The following WAC variants were observed in gnomAD, a reference collection of about 807,000 sequenced individuals.
WAC encodes WW domain containing adaptor with coiled-coil, also known as WW domain-containing adapter protein with coiled-coil.
WAC carries 11 observed loss-of-function variants against 79.6 expected under a neutral mutation model. The observed-to-expected ratio is 0.14, with a 90% CI of 0.09 to 0.23. The LOEUF (loss-of-function observed/expected upper bound fraction) is 0.23, where lower values mean the gene tolerates loss of function less well. Ranked by LOEUF, WAC falls within the 10% of genes least tolerant of loss-of-function variation. WAC has a pLI of 1.00. For missense variants in WAC, 728 were observed against 773.5 expected, an observed-to-expected ratio of 0.94 and a Z score of 0.70; for synonymous variants, 304 against 276.9, an observed-to-expected ratio of 1.10 and a Z score of -0.97.
intron 3 of WAC, among the ~76,000 whole-genome samples, chr10:28,569,170 T>C (rs1838809809): frequency 1.3e-5 from 2 of 152,198 alleles, no homozygotes; most frequent in African/African-American, 4.8e-5. Context: ...TTTCTAAGTG[T>C]TTTTCTATAG....
At chr10:28,599,911 G>C (rs332161) in intron 7 of WAC, among the ~76,000 whole-genome samples, 127,200 of 152,126 alleles carry the variant, frequency 0.84, 53,302 homozygotes, top group East Asian at 0.94. Context: ...AGTAGAGAAA[G>C]TCTGATACAC....
intron 3 of WAC, among the ~76,000 whole-genome samples, chr10:28,538,581 CA>C (rs34777121): frequency 0.53 from 52,207 of 98,010 alleles, 11,473 homozygotes; most frequent in African/African-American, 0.64. Flanking sequence ...GACCCTGTCT[CA>C]AAAAAAAAAA....
At chr10:28,543,285 C>G (rs1837162871) in intron 3 of WAC, among the ~76,000 whole-genome samples, 1 of 151,984 alleles carries the variant, frequency 6.6e-6, no homozygotes, top group African/African-American at 2.4e-5. Flanking sequence ...TTTCTAGTAG[C>G]TTTGCTTAAA....
chr10:28,540,575 C>T (rs1387104187), intron 3 of WAC, among the ~76,000 whole-genome samples: 1 of 152,166 alleles, frequency 6.6e-6, no homozygotes, highest in African/African-American at 2.4e-5. Context: ...AGGAAAAGTC[C>T]ATTTTCTCTT....
intron 13 of WAC, 41 bp downstream of exon 13, chr10:28,617,825 T>C (rs1457987101): frequency 1.3e-6 from 2 of 1,538,444 alleles, no homozygotes; most frequent in Non-Finnish European, 8.7e-7. Flanking sequence ...TTTCTCAGGA[T>C]TATGATTCTT....
chr10:28,572,527 CT>C (rs1175410347), intron 3 of WAC, among the ~76,000 whole-genome samples: 3 of 151,972 alleles, frequency 2.0e-5, no homozygotes, highest in Non-Finnish European at 2.9e-5. Context: ...AAATCTTACT[CT>C]TGGCTGGGTG....
At chr10:28,534,987 A>G (rs1836555089) in intron 2 of WAC, among the ~76,000 whole-genome samples, 1 of 152,186 alleles carries the variant, frequency 6.6e-6, no homozygotes, top group South Asian at 2.1e-4. Flanking sequence ...TTAGTTAGAA[A>G]TAGTACTCAC....
chr10:28,618,175 T>C (rs1386419079), intron 13 of WAC: 1 of 158,534 alleles, frequency 6.3e-6, no homozygotes, highest in African/African-American at 2.4e-5. Flanking sequence ...CTAGCAAGTT[T>C]AGTGTATCTG....
chr10:28,538,030 C>CAT (rs1836775566), intron 3 of WAC, among the ~76,000 whole-genome samples: 1 of 152,100 alleles, frequency 6.6e-6, no homozygotes, highest in Non-Finnish European at 1.5e-5. Context: ...ACCTGGCTGC[C>CAT]ATATTCCTTT....
chr10:28,618,641 G>A (rs1841576613), intron 13 of WAC, among the ~76,000 whole-genome samples: 1 of 152,182 alleles, frequency 6.6e-6, no homozygotes, highest in Admixed American at 6.5e-5. Flanking sequence ...GCCTGATTAT[G>A]CCTAATTCAT....
intron 3 of WAC, among the ~76,000 whole-genome samples, chr10:28,575,552 G>T (rs757632917): frequency 6.6e-6 from 1 of 152,186 alleles, no homozygotes; most frequent in Non-Finnish European, 1.5e-5. Context: ...TTATTTCCCT[G>T]CAGGTTTGAT....
In WAC at chr10:28,604,839, G is replaced by A. The variant is rs570648643; in HGVS notation, c.920-3347G>A. The stretch of plus-strand genomic sequence containing the variant: ...GAGTAATACACTAGATTTGTGTAAG[G>A]GCACTCCAAACCAAAGGGGAGGGGC... On this transcript the variant is annotated intron_variant, in intron 7 of 13. Transcript: ENST00000354911. Among the ~76,000 whole-genome samples the A allele has an allele frequency of 2.0e-5, 3 of 152,202 alleles. No individual in the cohort carries two copies. In the South Asian group the frequency reaches 6.2e-4, roughly 32 times the overall value.
At chr10:28,574,849 G>GT (rs1296246619) in intron 3 of WAC, among the ~76,000 whole-genome samples, 2 of 152,136 alleles carry the variant, frequency 1.3e-5, no homozygotes, top group Non-Finnish European at 2.9e-5. Context: ...TAACTGATTG[G>GT]TTGGTCGGTG....
At chr10:28,538,789 G>A (rs1450258282) in intron 3 of WAC, among the ~76,000 whole-genome samples, 1 of 148,006 alleles carries the variant, frequency 6.8e-6, no homozygotes, top group African/African-American at 2.5e-5. Flanking sequence ...CTTGAGCCCA[G>A]GAGTTTGAGG....
At chr10:28,605,108 C>T (rs1840875462) in intron 7 of WAC, among the ~76,000 whole-genome samples, 1 of 152,196 alleles carries the variant, frequency 6.6e-6, no homozygotes, top group Non-Finnish European at 1.5e-5. Flanking sequence ...GTAAATATAG[C>T]ATGCTGAAGA....
rs567987384 is a variant in WAC at position 28,617,252 on chromosome 10, GT to G, written c.1747-402del. ...AACTGACCATCTGGGGTGTTCGAAA[GT>G]TTACAGAGAATATGTTGTGTGTCTT... On this transcript the variant is annotated intron_variant, in intron 12 of 13. Transcript: ENST00000354911. Among the ~76,000 whole-genome samples the G allele has an allele frequency of 1.3e-3, 194 of 152,314 alleles. 2 individuals are homozygous for G. Among genetic ancestry groups the G allele is most frequent in the Admixed American group, 0.011 (175 of 15,304 alleles).
In WAC at chr10:28,538,897, T is replaced by C. The variant is rs186961843; in HGVS notation, c.274+3140T>C. Among the ~76,000 whole-genome samples, 857 of 148,830 alleles carry C rather than the reference T, an allele frequency of 5.8e-3. 3 individuals carry two copies. The highest frequency in any genetic ancestry group is 9.2e-3 in the Non-Finnish European group (622 of 67,362). Reference sequence around the variant, plus strand: ...AAAAAAAAAAAAAGAAAAAAATTAATGTATATAAATTCAAGACCATTATCA... The same window carrying C: ...AAAAAAAAAAAAAGAAAAAAATTAACGTATATAAATTCAAGACCATTATCA... On this transcript the variant is annotated intron_variant, in intron 3 of 13. Transcript: ENST00000354911.
intron 3 of WAC, chr10:28,537,698 A>T (rs1449941137): frequency 6.6e-6 from 1 of 152,172 alleles, no homozygotes; most frequent in African/African-American, 2.4e-5. Context: ...CCTGGCCTTG[A>T]AGCTATTCTT....
At position 28,608,415 on chromosome 10, in the gene WAC, A is replaced by G. The variant is rs1393402391; in HGVS notation, c.1149A>G (p.Ile383Met). ...TLQLNNSNVD[I>M]SKINEVLTAA... ...AGCTTAATAATTCTAATGTGGACAT[A>G]TCTAAAATAAATGAAGGTAAATCTT... is the stretch of plus-strand genomic sequence containing the variant. Residue 383 changes from isoleucine to methionine, a missense_variant, in exon 8 of 14, where the codon ATA becomes ATG. Coordinates refer to ENST00000354911, the MANE Select transcript of WAC (RefSeq NM_016628.5). The G allele has an allele frequency of 5.0e-6, 8 of 1,598,194 alleles. No individual in the cohort carries two copies. The highest frequency in any genetic ancestry group is 1.3e-5 in the African/African-American group (1 of 74,378).
Sources: gnomAD v4.1 joint callset for allele counts (sites outside exome capture counted in the v4.1 genomes callset) on GRCh38, gnomAD v4.1.1 for gene constraint, MANE v1.5 for transcripts, NCBI Gene and HGNC (gene_info 2026-07-23, HGNC 2026-07-21) for gene names.